The following DGKD variants were observed in gnomAD, a reference collection of about 807,000 sequenced individuals.
DGKD encodes DAG kinase delta.
Under a neutral mutation model 154.4 loss-of-function variants are expected in DGKD, and 68 were observed. The observed-to-expected ratio is 0.44, with a 90% CI of 0.36 to 0.54. The LOEUF (loss-of-function observed/expected upper bound fraction) is 0.54. Ranked by LOEUF, DGKD falls within the 20% of genes least tolerant of loss-of-function variation. DGKD has a pLI of 0.00. For missense variants in DGKD, 1,343 were observed against 1,593.6 expected (o/e 0.84, Z 2.68); for synonymous variants, 693 against 638.0 (o/e 1.09, Z -1.30).
At chr2:233,412,840 G>A (rs184160955) in intron 3 of DGKD, among the ~76,000 whole-genome samples, 1 of 152,294 alleles carries the variant, frequency 6.6e-6, no homozygotes, top group East Asian at 1.9e-4. Context: ...TTATTGAAGT[G>A]AACACATGGT....
intron 3 of DGKD, among the ~76,000 whole-genome samples, chr2:233,408,110 T>C (rs2061731703): frequency 6.7e-6 from 1 of 150,254 alleles, no homozygotes; most frequent in Admixed American, 6.6e-5. Flanking sequence ...TGCTGCGCTC[T>C]CAGCTCACTG....
chr2:233,458,114 C>T lies in DGKD; in HGVS notation c.2581-170C>T. 1.9e-6 allele frequency: 1 copy of T among 530,122 alleles called. No individual in the cohort carries two copies. The highest frequency in any genetic ancestry group is 3.4e-6 in the Non-Finnish European group (1 of 293,426). 32.8% of individuals were successfully genotyped at this position (530,122 alleles called of 1,614,324 possible). On this transcript the variant is annotated intron_variant, in intron 21 of 29. Transcript: ENST00000264057. The surrounding 1 kb of genome is among the most constrained non-coding windows in gnomAD (Gnocchi z 6.6). ...CGAGATGAGAGCTGGGATTTGGTCC[C>T]AGGCAGCTGGTTTCAGGGCCTGCAA...
At chr2:233,437,243 A>G in intron 7 of DGKD, 134 bp from the exon 8 acceptor site, 1 of 768,964 alleles carries the variant, frequency 1.3e-6, no homozygotes, top group Non-Finnish European at 2.2e-6. Flanking sequence ...AGGGCCCCTG[A>G]TGGTAGCAGG....
intron 1 of DGKD, among the ~76,000 whole-genome samples, chr2:233,380,793 G>A (rs1575005283): frequency 6.6e-6 from 1 of 152,170 alleles, no homozygotes; most frequent in East Asian, 1.9e-4. Context: ...GCTCTCCTGG[G>A]GGTTTGGGCA....
chr2:233,437,603 C>T, intron 8 of DGKD, 124 bp downstream of exon 8: 3 of 936,468 alleles, frequency 3.2e-6, no homozygotes, highest in Non-Finnish European at 5.0e-6. Context: ...TCAGGCACAG[C>T]TGTTGGGGGT....
intron 2 of DGKD, 46 bp from the exon 3 acceptor site, chr2:233,390,357 G>A: frequency 1.3e-6 from 2 of 1,508,136 alleles, no homozygotes; most frequent in East Asian, 2.3e-5. Context: ...GCTTAGGGAT[G>A]TACCTGTCTT....
chr2:233,461,106 G>A (rs895261612), intron 24 of DGKD, among the ~76,000 whole-genome samples: 7 of 152,034 alleles, frequency 4.6e-5, no homozygotes, highest in Non-Finnish European at 1.0e-4. Flanking sequence ...GTCCCTCGTG[G>A]CTGGTGGTCA....
intron 3 of DGKD, among the ~76,000 whole-genome samples, chr2:233,422,062 C>A (rs1216149621): frequency 2.0e-5 from 3 of 152,174 alleles, no homozygotes; most frequent in African/African-American, 7.2e-5. Flanking sequence ...GTAGTAGGAC[C>A]CCCGAGGGGC....
intron 3 of DGKD, among the ~76,000 whole-genome samples, chr2:233,416,628 G>T (rs1357413706): frequency 1.3e-5 from 2 of 152,168 alleles, no homozygotes; most frequent in Admixed American, 1.3e-4. Flanking sequence ...GAGAAAAATG[G>T]ATAAATTATG....
chr2:233,387,119 T>TG (rs764981331), intron 1 of DGKD, among the ~76,000 whole-genome samples: 4 of 152,216 alleles, frequency 2.6e-5, no homozygotes, highest in Admixed American at 6.5e-5. Flanking sequence ...CTGGCATAGG[T>TG]GGGGGACATG....
intron 18 of DGKD, chr2:233,454,232 G>A (rs2063382073): frequency 1.1e-5 from 4 of 363,938 alleles, no homozygotes; most frequent in East Asian, 1.6e-4. Flanking sequence ...CCCAGTGTCC[G>A]TCTGCTGATG....
intron 3 of DGKD, among the ~76,000 whole-genome samples, chr2:233,421,316 G>A (rs771846684): frequency 2.6e-5 from 4 of 152,018 alleles, no homozygotes; most frequent in African/African-American, 9.7e-5. Context: ...ACCCTGTCCC[G>A]TCTGCTGTCC....
chr2:233,463,880 C>T (rs562336896), intron 26 of DGKD: 13 of 421,016 alleles, frequency 3.1e-5, no homozygotes, highest in East Asian at 2.8e-4. Context: ...TGAATGGCTC[C>T]GACCCCATTT....
chr2:233,458,323 G>A lies in DGKD; in HGVS notation c.2620G>A (p.Val874Met). The A allele has an allele frequency of 1.9e-6, 3 of 1,612,732 alleles. No homozygotes were observed. The highest frequency in any genetic ancestry group is 2.5e-6 in the Non-Finnish European group (3 of 1,179,870). The change falls in exon 22 of 30, where the codon GTG becomes ATG. Residue 874 changes from valine to methionine, a missense_variant. By Grantham distance (21) the Val-to-Met change is conservative. Coordinates refer to ENST00000264057, the MANE Select transcript of DGKD (RefSeq NM_152879.3). The surrounding 1 kb of genome is among the most constrained non-coding windows in gnomAD (Gnocchi z 6.6). ...APSFDDKILE[V>M]VAVFGSMQMA... ...ATCATTCGATGACAAGATTCTGGAG[G>A]TGGTCGCCGTGTTCGGCAGCATGCA...
intron 3 of DGKD, among the ~76,000 whole-genome samples, chr2:233,432,097 A>C (rs146286082): frequency 6.6e-6 from 1 of 152,376 alleles, no homozygotes; most frequent in East Asian, 1.9e-4. Flanking sequence ...AATGGGAGAA[A>C]ATATTTGCAA....
intron 23 of DGKD, 117 bp downstream of exon 23, chr2:233,460,008 AAGAC>A: frequency 7.0e-7 from 1 of 1,435,196 alleles, no homozygotes; most frequent in Non-Finnish European, 9.1e-7. Flanking sequence ...TTTTTTTTTT[AAGAC>A]ACAATGATTA....
chr2:233,440,232 C>G lies in DGKD; in HGVS notation c.1086-1655C>G, dbSNP rs887751429. ...GAATCTGGAGCTACTGCTTCATGTTCCAGTTCCTGGCCTTGACCTGTCACC... is the reference window on the plus strand; with the variant it reads ...GAATCTGGAGCTACTGCTTCATGTTGCAGTTCCTGGCCTTGACCTGTCACC... On this transcript the variant is annotated intron_variant, in intron 9 of 29. Transcript: ENST00000264057. The surrounding 1 kb of genome is among the most constrained non-coding windows in gnomAD (Gnocchi z 4.9). 6.6e-6 allele frequency among the ~76,000 whole-genome samples: 1 copy of G among 152,198 alleles called. No homozygotes were observed. The highest frequency in any genetic ancestry group is 1.5e-5 in the Non-Finnish European group (1 of 68,042).
chr2:233,458,612 A>ATT lies in DGKD; in HGVS notation c.2694+231_2694+232dup, dbSNP rs1181817947. ...TAAATTCTCAAGATAACTCTTTTTA[A>ATT]TTTTTTTTTTTTTTTTTGAGACAGA... is the stretch of plus-strand genomic sequence containing the variant. On this transcript the variant is annotated intron_variant, in intron 22 of 29. Transcript: ENST00000264057. The surrounding 1 kb of genome is among the most constrained non-coding windows in gnomAD (Gnocchi z 6.6). Among the ~76,000 whole-genome samples, 68 of 140,100 alleles carry ATT rather than the reference A, an allele frequency of 4.9e-4. No individual in the cohort carries two copies. The highest frequency in any genetic ancestry group is 3.6e-3 in the Middle Eastern group (1 of 274). The allele number at this position is 140,100 out of a possible 152,430, so 91.9% of individuals were successfully genotyped here.
intron 3 of DGKD, among the ~76,000 whole-genome samples, chr2:233,427,383 C>T (rs931015177): frequency 6.8e-6 from 1 of 146,956 alleles, no homozygotes; most frequent in African/African-American, 2.5e-5. Context: ...CTCTGTCACC[C>T]AGGCTGGAGT....
Sources: allele counts gnomAD v4.1 joint callset (sites outside exome capture counted in the v4.1 genomes callset), GRCh38; gene constraint gnomAD v4.1.1; non-coding constraint Gnocchi (gnomAD v3.1); transcripts MANE v1.5; gene names NCBI Gene and HGNC (gene_info 2026-07-23, HGNC 2026-07-21).